Variants in ABR observed in about 807,000 individuals in gnomAD.
ABR encodes active breakpoint cluster region-related protein.
Under a neutral mutation model 107.2 loss-of-function variants are expected in ABR, and 35 were observed. The observed-to-expected ratio is 0.33, with a 90% CI of 0.25 to 0.43. ABR has a LOEUF of 0.43. ABR is among the 20% of genes least tolerant of loss of function. The probability of loss-of-function intolerance (pLI) is 1.00; values close to 1 mark genes in which losing one functional copy is unlikely to be tolerated. For synonymous variants in ABR, 498 were observed against 462.0 expected, an observed-to-expected ratio of 1.08 and a Z score of -1.00; for missense variants, 815 against 1,115.2, an observed-to-expected ratio of 0.73 and a Z score of 3.83.
chr17:1,033,554 C>T (rs1045496316), intron 16 of ABR, among the ~76,000 whole-genome samples: 27 of 152,222 alleles, frequency 1.8e-4, no homozygotes, highest in Non-Finnish European at 3.5e-4. Flanking sequence ...GACTATCTTC[C>T]ACCTGGCTGG....
At chr17:1,180,066 G>A (rs2042078326), upstream of ABR, among the ~76,000 whole-genome samples, 1 of 146,336 alleles carries the variant, frequency 6.8e-6, no homozygotes, top group African/African-American at 2.7e-5. Context: ...GCGGGGGCGG[G>A]GCGGGGAGGG....
chr17:1,072,199 G>A (rs11653959), intron 8 of ABR, among the ~76,000 whole-genome samples: 29,122 of 152,046 alleles, frequency 0.19, 3,114 homozygotes, highest in South Asian at 0.25. Flanking sequence ...CACCGTGCCC[G>A]GCCTCCCTAG....
chr17:1,153,210 C>A (rs1271076731), intron 1 of ABR, among the ~76,000 whole-genome samples: 1 of 152,206 alleles, frequency 6.6e-6, no homozygotes, highest in East Asian at 1.9e-4. Flanking sequence ...CCCCACCATA[C>A]CCCTTCCCCC....
At chr17:1,181,759 G>A (rs904449305), upstream of ABR, 12 of 152,328 alleles carry the variant, frequency 7.9e-5, no homozygotes, top group East Asian at 3.9e-4. Flanking sequence ...AGGTGGAAAC[G>A]GGCGTGAGCT....
At chr17:1,104,079 C>T (rs888150776) in intron 2 of ABR, among the ~76,000 whole-genome samples, 1 of 152,112 alleles carries the variant, frequency 6.6e-6, no homozygotes, top group African/African-American at 2.4e-5. Context: ...TGCTCCGGAG[C>T]GAGTTCTCTA....
At chr17:1,169,835 A>G (rs1416177488) in intron 1 of ABR, among the ~76,000 whole-genome samples, 1 of 152,136 alleles carries the variant, frequency 6.6e-6, no homozygotes, top group Non-Finnish European at 1.5e-5. Flanking sequence ...GAGCAGGGCC[A>G]GCACGCTTGG....
chr17:1,005,814 A>G lies in ABR; in HGVS notation c.*266T>C, dbSNP rs1178748512. ...TTTTCTGCCTGACAAGTGTACATAA[A>G]ACAATTCCCGAACAGCACGGAGCAT... On this transcript the variant is annotated 3_prime_UTR_variant, in exon 23 of 23. Coordinates refer to ENST00000302538, the MANE Select transcript of ABR (RefSeq NM_021962.5). 1.9e-6 allele frequency: 1 copy of G among 532,542 alleles called. No individual in the cohort carries two copies. Among genetic ancestry groups the G allele is most frequent in the Non-Finnish European group, 3.4e-6 (1 of 296,030 alleles). 33.0% of individuals were successfully genotyped at this position (532,542 alleles called of 1,614,324 possible). A position where few individuals can be genotyped will look rare whatever the true frequency, so the allele number is the denominator to read the frequency against.
intron 1 of ABR, among the ~76,000 whole-genome samples, chr17:1,201,015 G>T (rs369020012): frequency 2.0e-5 from 3 of 152,154 alleles, no homozygotes; most frequent in Non-Finnish European, 4.4e-5. Flanking sequence ...TAAGGAGGAT[G>T]GGGGGAGGAA....
chr17:1,015,811 C>A (rs2071109548), intron 16 of ABR, among the ~76,000 whole-genome samples: 1 of 152,162 alleles, frequency 6.6e-6, no homozygotes, highest in Non-Finnish European at 1.5e-5. Flanking sequence ...TGGTGGAATG[C>A]TCTCTCAATG....
At chr17:1,099,432 G>A (rs1471824933) in intron 3 of ABR, among the ~76,000 whole-genome samples, 1 of 152,138 alleles carries the variant, frequency 6.6e-6, no homozygotes, top group Non-Finnish European at 1.5e-5. Context: ...AGTCCCCTGG[G>A]ACACTGACAG....
rs1487914842 is a variant in ABR at position 1,199,139 on chromosome 17, GT to G, written c.838+29653del. Among the ~76,000 whole-genome samples the G allele has an allele frequency of 1.2e-4, 18 of 150,620 alleles. 1 individual carries two copies. The highest frequency in any genetic ancestry group is 4.2e-4 in the African/African-American group (17 of 40,380). On this transcript the variant is annotated intron_variant, in intron 1 of 22. Transcript: ENST00000574139. ...CATTCCTCTGAGGGGGCCGGGGAAG[GT>G]GTGAAAACTTTGCTCGGGAGTGGTC...
chr17:1,035,463 T>C (rs186409349), intron 16 of ABR, among the ~76,000 whole-genome samples: 4 of 20,422 alleles, frequency 2.0e-4, no homozygotes, highest in Admixed American at 5.7e-4. Context: ...CCCACACCTG[T>C]TCCCCCACCC....
At chr17:1,187,482 T>G (rs2042332101), upstream of ABR, among the ~76,000 whole-genome samples, 1 of 152,204 alleles carries the variant, frequency 6.6e-6, no homozygotes, top group Admixed American at 6.5e-5. Context: ...AGGCTGCTGT[T>G]GGGAACACAG....
At chr17:1,128,949 A>G (rs1032679179) in intron 1 of ABR, among the ~76,000 whole-genome samples, 3 of 152,230 alleles carry the variant, frequency 2.0e-5, no homozygotes, top group African/African-American at 2.4e-5. Flanking sequence ...TACATAAAAG[A>G]AAGAAAAAGT....
rs1340018281 is a variant in ABR, at chr17:1,078,396, C to T, written c.700+934G>A. Among the ~76,000 whole-genome samples the T allele has an allele frequency of 6.6e-6, 1 of 152,200 alleles. No homozygotes were observed. Among genetic ancestry groups the T allele is most frequent in the Admixed American group, 6.5e-5 (1 of 15,286 alleles). On this transcript the variant is annotated intron_variant, in intron 6 of 22. Coordinates refer to ENST00000302538, the MANE Select transcript of ABR (RefSeq NM_021962.5). The surrounding 1 kb of genome is among the most constrained non-coding windows in gnomAD (Gnocchi z 7.5). ...CTGGCTCGCGCTGGCACCCTCTCGG[C>T]TGGCAACGCCGCCGTCCGGACCATC...
At chr17:1,209,358 C>G (rs1342774729) in intron 1 of ABR, among the ~76,000 whole-genome samples, 1 of 151,002 alleles carries the variant, frequency 6.6e-6, no homozygotes, top group African/African-American at 2.4e-5. Flanking sequence ...CTCACCGCAA[C>G]CTCCACCTCC....
intron 16 of ABR, among the ~76,000 whole-genome samples, chr17:1,032,926 G>A (rs1033248181): frequency 1.3e-5 from 2 of 152,188 alleles, no homozygotes; most frequent in African/African-American, 2.4e-5. Context: ...TCTTTCAAAC[G>A]CCCGACTGCA....
rs796427689 is a variant in ABR, at chr17:1,023,894, A to T, written c.1792-10730T>A. Among the ~76,000 whole-genome samples, 5 of 152,160 alleles carry T rather than the reference A, an allele frequency of 3.3e-5. 1 individual carries two copies. Among genetic ancestry groups the T allele is most frequent in the East Asian group, 3.9e-4 (2 of 5,180 alleles). ...ACAAAAATTACCCCGGCGTGGTGGCACATGCCTGTAAACCCAGCTACTCAG... is the reference window on the plus strand; with the variant it reads ...ACAAAAATTACCCCGGCGTGGTGGCTCATGCCTGTAAACCCAGCTACTCAG... On this transcript the variant is annotated intron_variant, in intron 16 of 22. Transcript: ENST00000302538.
At chr17:1,132,523 C>T (rs1191132753) in intron 1 of ABR, among the ~76,000 whole-genome samples, 1 of 151,938 alleles carries the variant, frequency 6.6e-6, no homozygotes, top group Admixed American at 6.6e-5. Context: ...GGATTATAGG[C>T]ATGCACCACC....
Sources: allele counts gnomAD v4.1 joint callset (sites outside exome capture counted in the v4.1 genomes callset), GRCh38; gene constraint gnomAD v4.1.1; non-coding constraint Gnocchi (gnomAD v3.1); transcripts MANE v1.5; gene names NCBI Gene and HGNC (gene_info 2026-07-23, HGNC 2026-07-21).